SYNDIG1: variants seen among roughly 807,000 people sequenced by gnomAD.
SYNDIG1 encodes the protein synapse differentiation-inducing gene protein 1.
In SYNDIG1, 9 loss-of-function variants were observed where a neutral mutation model predicts 19.4. The observed-to-expected ratio is 0.46, with a 90% CI of 0.28 to 0.81. The LOEUF is 0.81. Among genes scored for constraint, SYNDIG1 ranks in the 30% least tolerant of loss-of-function variants. The probability of loss-of-function intolerance (pLI) is 0.12; values close to 1 mark genes in which losing one functional copy is unlikely to be tolerated. For synonymous variants in SYNDIG1, 141 were observed against 145.9 expected, an observed-to-expected ratio of 0.97 and a Z score of 0.24; for missense variants, 311 against 343.3, an observed-to-expected ratio of 0.91 and a Z score of 0.74.
intron 1 of SYNDIG1, among the ~76,000 whole-genome samples, chr20:24,491,258 C>G (rs747014482): frequency 5.3e-5 from 8 of 152,190 alleles, no homozygotes; most frequent in Non-Finnish European, 8.8e-5. Context: ...TCGTGGAATA[C>G]TTAATAAAAC....
chr20:24,665,298 G>T (rs775273200), intron 3 of SYNDIG1, 48 bp from the exon 4 acceptor site: 2 of 1,564,720 alleles, frequency 1.3e-6, no homozygotes, highest in Admixed American at 2.0e-5. Flanking sequence ...CTCACTGCTT[G>T]TTCCGACTTG....
chr20:24,631,991 G>A (rs906112289), intron 3 of SYNDIG1, among the ~76,000 whole-genome samples: 1 of 152,164 alleles, frequency 6.6e-6, no homozygotes, highest in African/African-American at 2.4e-5. Context: ...ACTCAAAAAT[G>A]TGAGCAAAGC....
At chr20:24,529,836 A>G in intron 1 of SYNDIG1, among the ~76,000 whole-genome samples, 1 of 151,176 alleles carries the variant, frequency 6.6e-6, no homozygotes, top group South Asian at 2.1e-4. Context: ...GGGGATGGTG[A>G]CGGTGGTACT....
chr20:24,574,119 C>A (rs1025116476), intron 2 of SYNDIG1, among the ~76,000 whole-genome samples: 5 of 152,126 alleles, frequency 3.3e-5, no homozygotes, highest in Non-Finnish European at 7.4e-5. Context: ...GAGATCACCT[C>A]CCAAAAAAGC....
intron 2 of SYNDIG1, among the ~76,000 whole-genome samples, chr20:24,580,424 T>C (rs1047995793): frequency 6.6e-6 from 1 of 152,138 alleles, no homozygotes; most frequent in African/African-American, 2.4e-5. Context: ...GTTTGTTTGA[T>C]TTTTGAGACG....
At chr20:24,508,395 A>AT (rs1018478910) in intron 1 of SYNDIG1, among the ~76,000 whole-genome samples, 1 of 151,392 alleles carries the variant, frequency 6.6e-6, no homozygotes, top group African/African-American at 2.4e-5. Context: ...CGCCCAGCTA[A>AT]TTTTTGTATT....
At chr20:24,578,488 A>G (rs1245452101) in intron 2 of SYNDIG1, among the ~76,000 whole-genome samples, 1 of 151,826 alleles carries the variant, frequency 6.6e-6, no homozygotes, top group Middle Eastern at 3.2e-3. Context: ...AAAAAAAGGA[A>G]GAGAGTCAGA....
chr20:24,489,586 TCA>T (rs989852812), intron 1 of SYNDIG1, among the ~76,000 whole-genome samples: 2 of 151,318 alleles, frequency 1.3e-5, no homozygotes, highest in Non-Finnish European at 2.9e-5. Context: ...CACACCACAG[TCA>T]CATGACCACA....
At chr20:24,524,418 G>T (rs1000895915) in intron 1 of SYNDIG1, among the ~76,000 whole-genome samples, 2 of 152,152 alleles carry the variant, frequency 1.3e-5, no homozygotes, top group Non-Finnish European at 2.9e-5. Context: ...GGCCGAGGCG[G>T]GTGGATCACG....
intron 3 of SYNDIG1, among the ~76,000 whole-genome samples, chr20:24,639,105 T>C (rs1020840515): frequency 6.6e-6 from 1 of 152,128 alleles, no homozygotes; most frequent in Non-Finnish European, 1.5e-5. Flanking sequence ...CACATTATTA[T>C]AATACAAAGC....
chr20:24,496,185 AG>A (rs565758140), intron 1 of SYNDIG1, among the ~76,000 whole-genome samples: 1 of 152,182 alleles, frequency 6.6e-6, no homozygotes, highest in South Asian at 2.1e-4. Context: ...TGCATGTTTC[AG>A]GAGCAGCAAG....
At chr20:24,589,962 A>G (rs1039835719) in intron 3 of SYNDIG1, among the ~76,000 whole-genome samples, 1 of 152,246 alleles carries the variant, frequency 6.6e-6, no homozygotes, top group African/African-American at 2.4e-5. Flanking sequence ...AGTGCCAGGC[A>G]TGCAGCAGTG....
intron 2 of SYNDIG1, among the ~76,000 whole-genome samples, chr20:24,546,456 C>T (rs534054515): frequency 5.1e-4 from 78 of 152,348 alleles, no homozygotes; most frequent in Non-Finnish European, 9.0e-4. Flanking sequence ...GGCTCACTCA[C>T]TTGTCCATAG....
intron 1 of SYNDIG1, among the ~76,000 whole-genome samples, chr20:24,481,411 C>G (rs1356960421): frequency 6.6e-6 from 1 of 152,192 alleles, no homozygotes; most frequent in African/African-American, 2.4e-5. Flanking sequence ...CACGTGACCT[C>G]TCCCTGGGTT....
Position 24,626,249 on chromosome 20 carries a change from G to C in SYNDIG1, c.619-39097G>C, listed in dbSNP as rs1180617501. 1.3e-5 allele frequency among the ~76,000 whole-genome samples: 2 copies of C among 150,570 alleles called. 1 individual carries two copies. The highest frequency in any genetic ancestry group is 3.9e-4 in the East Asian group (2 of 5,074). ...CACCTCCCTCCCGGACAGGGTGGCT[G>C]CCGGGCGGAGATGCTCCTCACTTCC... On this transcript the variant is annotated intron_variant, in intron 3 of 3. Coordinates refer to ENST00000376862, the MANE Select transcript of SYNDIG1 (RefSeq NM_024893.3).
chr20:24,473,076 C>T (rs1241981705), intron 1 of SYNDIG1, among the ~76,000 whole-genome samples: 2 of 152,134 alleles, frequency 1.3e-5, no homozygotes, highest in African/African-American at 4.8e-5. Flanking sequence ...AGTAAATGTA[C>T]CGCTGTGGCC....
At chr20:24,639,630 A>G (rs542296231) in intron 3 of SYNDIG1, among the ~76,000 whole-genome samples, 52 of 152,272 alleles carry the variant, frequency 3.4e-4, no homozygotes, top group African/African-American at 1.2e-3. Context: ...TGCGGTATCA[A>G]TGTGGTTTAT....
intron 1 of SYNDIG1, among the ~76,000 whole-genome samples, chr20:24,524,660 A>C (rs2057081672): frequency 6.6e-6 from 1 of 152,022 alleles, no homozygotes. Flanking sequence ...AAAAAAAAAA[A>C]ATTTATCTTG....
intron 1 of SYNDIG1, among the ~76,000 whole-genome samples, chr20:24,493,561 CT>C: frequency 6.6e-6 from 1 of 152,368 alleles, no homozygotes; most frequent in East Asian, 1.9e-4. Context: ...TTAACTACAT[CT>C]TCCCCAATAT....
Sources: gnomAD v4.1 joint callset for allele counts (sites outside exome capture counted in the v4.1 genomes callset) on GRCh38, gnomAD v4.1.1 for gene constraint, MANE v1.5 for transcripts, NCBI Gene and HGNC (gene_info 2026-07-23, HGNC 2026-07-21) for gene names.